SLC12A3: variants seen among roughly 807,000 people sequenced by gnomAD.
The protein encoded by SLC12A3 is solute carrier family 12 member 3.
A neutral mutation model predicts 121.0 loss-of-function variants in SLC12A3; 104 were observed. The observed-to-expected ratio is 0.86, with a 90% confidence interval of 0.73 to 1.01. SLC12A3 has a LOEUF of 1.01. Among genes scored for constraint, SLC12A3 ranks in the 50% least tolerant of loss-of-function variants. The pLI is 0.00. For missense variants in SLC12A3, 1,328 were observed against 1,356.3 expected (o/e 0.98, Z 0.33); for synonymous variants, 536 against 533.4 (o/e 1.00, Z -0.07).
At chr16:56,897,170 A>G (rs562801580) in intron 22 of SLC12A3, among the ~76,000 whole-genome samples, 1 of 152,140 alleles carries the variant, frequency 6.6e-6, no homozygotes. Context: ...CAGGTGGCAC[A>G]CAAGTATGGA....
intron 9 of SLC12A3, among the ~76,000 whole-genome samples, chr16:56,878,583 G>C (rs553269464): frequency 5.9e-4 from 90 of 152,200 alleles, no homozygotes; most frequent in East Asian, 9.7e-4. Context: ...GAAAATGGGG[G>C]CTCAGAGACG....
chr16:56,912,862 C>A (rs1421590268), intron 25 of SLC12A3, among the ~76,000 whole-genome samples: 1 of 151,964 alleles, frequency 6.6e-6, no homozygotes, highest in Non-Finnish European at 1.5e-5. Context: ...AAGGAAGTGA[C>A]CAGGTGCAGA....
At chr16:56,892,878 T>G (rs2055407773) in intron 20 of SLC12A3, 75 bp from the exon 21 acceptor site, 1 of 1,205,986 alleles carries the variant, frequency 8.3e-7, no homozygotes, top group Non-Finnish European at 1.2e-6. Context: ...GAAGGGGCGT[T>G]GGCGGGGCCC....
chr16:56,908,710 C>T lies in SLC12A3; in HGVS notation c.2924+4248C>T, dbSNP rs77145129. On this transcript the variant is annotated intron_variant, in intron 25 of 25. Coordinates refer to ENST00000563236, the MANE Select transcript of SLC12A3 (RefSeq NM_001126108.2). ...ATTTTTTTGTACAAAGAAAGTGCCC[C>T]GTGTTTCCTTGGAGAACAGTGATAA... is the stretch of plus-strand genomic sequence containing the variant. 4.9e-3 allele frequency among the ~76,000 whole-genome samples: 740 copies of T among 152,184 alleles called. 12 individuals carry two copies. The highest frequency in any genetic ancestry group is 0.015 in the African/African-American group (612 of 41,454).
At chr16:56,878,940 A>T in intron 9 of SLC12A3, 133 bp from the exon 10 acceptor site, 1 of 1,064,572 alleles carries the variant, frequency 9.4e-7, no homozygotes, top group Non-Finnish European at 1.4e-6. Flanking sequence ...CTTCATTGTC[A>T]TCATTATCAT....
At chr16:56,909,189 T>G (rs1281609932) in intron 25 of SLC12A3, among the ~76,000 whole-genome samples, 4 of 152,100 alleles carry the variant, frequency 2.6e-5, no homozygotes, top group African/African-American at 9.7e-5. Context: ...CTGGGCATAG[T>G]GGCTCATGCC....
In SLC12A3 at chr16:56,914,035, G is replaced by A. The variant is rs574920662; in HGVS notation, c.*630G>A. On this transcript the variant is annotated 3_prime_UTR_variant, in exon 26 of 26. Transcript: ENST00000563236. ...AGCATTTCTTCTGTCTCAGCCTCCC[G>A]AATAGCTGGGATTACAGGCACCTGC... The A allele has an allele frequency of 1.3e-5, 2 of 152,338 alleles. No homozygotes were observed. Among genetic ancestry groups the A allele is most frequent in the Admixed American group, 6.5e-5 (1 of 15,306 alleles). 9.4% of individuals were successfully genotyped at this position (152,338 alleles called of 1,614,324 possible).
In SLC12A3 at chr16:56,894,538, C is replaced by T. The variant is rs1211212808; in HGVS notation, c.2529C>T (p.Thr843=). Residue 843 remains threonine (T), a synonymous_variant, in exon 22 of 26, where the codon ACC becomes ACT. Coordinates refer to ENST00000563236, the MANE Select transcript of SLC12A3 (RefSeq NM_001126108.2). ...GGGGACTCTCCTTGCCAGGCCTCACCCTCCTCATTCCCTATCTCCTTGGCC... is the reference window on the plus strand; with the variant it reads ...GGGGACTCTCCTTGCCAGGCCTCACTCTCCTCATTCCCTATCTCCTTGGCC... The part of the protein sequence containing the change: ...IYWLFDDGGL[T]LLIPYLLGRK... The T allele has an allele frequency of 6.2e-7, 1 of 1,612,934 alleles. No individual in the cohort carries two copies. Among genetic ancestry groups the T allele is most frequent in the Admixed American group, 1.7e-5 (1 of 59,912 alleles).
chr16:56,869,846 C>T, intron 4 of SLC12A3, 22 bp downstream of exon 4: 1 of 1,597,382 alleles, frequency 6.3e-7, no homozygotes, highest in Non-Finnish European at 8.6e-7. Flanking sequence ...CCCTTTCCAC[C>T]AAGGCCCTCC....
At chr16:56,866,967 G>T (rs1171783189) in intron 1 of SLC12A3, 103 bp from the exon 2 acceptor site, 2 of 1,495,990 alleles carry the variant, frequency 1.3e-6, no homozygotes, top group East Asian at 4.5e-5. Context: ...AGGGGTCGGG[G>T]GGTGCTCGGT....
intron 8 of SLC12A3, among the ~76,000 whole-genome samples, chr16:56,877,401 AAAAAT>A (rs1361567850): frequency 6.6e-6 from 1 of 152,154 alleles, no homozygotes; most frequent in Non-Finnish European, 1.5e-5. Flanking sequence ...GTCTCAAAAA[AAAAAT>A]AAAATAAAAA....
chr16:56,883,378 T>G (rs1288869578), intron 13 of SLC12A3, among the ~76,000 whole-genome samples: 1 of 151,322 alleles, frequency 6.6e-6, no homozygotes, highest in Non-Finnish European at 1.5e-5. Context: ...CCTCCCGGGT[T>G]CATGCCATTC....
intron 8 of SLC12A3, among the ~76,000 whole-genome samples, chr16:56,874,120 G>A (rs913690715): frequency 4.6e-5 from 7 of 152,174 alleles, no homozygotes; most frequent in Non-Finnish European, 7.3e-5. Flanking sequence ...CTGTTGCCCC[G>A]GCATCTGGAG....
chr16:56,894,700 A>C, intron 22 of SLC12A3, 58 bp downstream of exon 22: 15 of 1,329,108 alleles, frequency 1.1e-5, no homozygotes, highest in Non-Finnish European at 1.5e-5. Context: ...TCTTAGCTCC[A>C]CCCAAGGCTG....
chr16:56,907,445 T>TCCGTCTCAAAAAAAAAAAAAAAAAAAA (rs1567449752), intron 25 of SLC12A3, among the ~76,000 whole-genome samples: 1 of 150,872 alleles, frequency 6.6e-6, no homozygotes, highest in African/African-American at 2.5e-5. Context: ...ATGACAGAGC[T>TCCGTCTCAAAAAAAAAAAAAAAAAAAA]AGAAATGTGC....
chr16:56,907,795 C>G (rs1386087529), intron 25 of SLC12A3, among the ~76,000 whole-genome samples: 2 of 152,160 alleles, frequency 1.3e-5, no homozygotes, highest in Non-Finnish European at 2.9e-5. Flanking sequence ...CCCAAAGGCC[C>G]CACCTCCTAA....
intron 22 of SLC12A3, among the ~76,000 whole-genome samples, chr16:56,898,774 C>T (rs1330137365): frequency 6.6e-6 from 1 of 152,204 alleles, no homozygotes; most frequent in Non-Finnish European, 1.5e-5. Context: ...GGGTCTGTAC[C>T]TAGTTTCTTG....
Position 56,886,520 on chromosome 16 carries a change from C to T in SLC12A3, c.2037+45C>T, listed in dbSNP as rs182162102. On this transcript the variant is annotated intron_variant, in intron 16 of 25. Coordinates refer to ENST00000563236, the MANE Select transcript of SLC12A3 (RefSeq NM_001126108.2). ...GCACAGGGGACCAGGCATGGTGGCTCATGCCTGTAAACCCAGCACTCTGGG... is the reference window on the plus strand; with the variant it reads ...GCACAGGGGACCAGGCATGGTGGCTTATGCCTGTAAACCCAGCACTCTGGG... 124 of 1,528,524 alleles carry T rather than the reference C, an allele frequency of 8.1e-5. No individual in the cohort carries two copies. The African/African-American group carries it at 1.1e-3, about 13-fold the overall frequency. 94.7% of individuals were successfully genotyped at this position (1,528,524 alleles called of 1,614,324 possible).
intron 23 of SLC12A3, among the ~76,000 whole-genome samples, chr16:56,900,786 C>T (rs1439985244): frequency 6.6e-6 from 1 of 152,156 alleles, no homozygotes; most frequent in Non-Finnish European, 1.5e-5. Flanking sequence ...CCGCCTTGGC[C>T]TCCCAAAGTG....
Sources: gnomAD v4.1 joint callset for allele counts (sites outside exome capture counted in the v4.1 genomes callset) on GRCh38, gnomAD v4.1.1 for gene constraint, MANE v1.5 for transcripts, NCBI Gene and HGNC (gene_info 2026-07-23, HGNC 2026-07-21) for gene names.